RBFOX1: variants seen among roughly 807,000 people sequenced by gnomAD.
The protein encoded by RBFOX1 is RNA binding fox-1 homolog 1, also known as RNA binding protein fox-1 homolog 1.
RBFOX1 carries 8 observed loss-of-function variants against 57.7 expected under a neutral mutation model. The observed-to-expected ratio is 0.14, with a 90% CI of 0.08 to 0.25. The LOEUF (loss-of-function observed/expected upper bound fraction) is 0.25, where lower values mean the gene tolerates loss of function less well. Ranked by LOEUF, RBFOX1 falls within the 10% of genes least tolerant of loss-of-function variation. The pLI, the probability that RBFOX1 is intolerant of heterozygous loss-of-function variation, is 1.00. For synonymous variants in RBFOX1, 326 were observed against 222.4 expected, an observed-to-expected ratio of 1.47 and a Z score of -4.15; for missense variants, 611 against 548.5, an observed-to-expected ratio of 1.11 and a Z score of -1.14.
chr16:6,085,743 C>A (rs1244964038), intron 1 of RBFOX1, among the ~76,000 whole-genome samples: 1 of 152,174 alleles, frequency 6.6e-6, no homozygotes, highest in Non-Finnish European at 1.5e-5. Flanking sequence ...ATTCTACCCT[C>A]CCCAAGAGTT....
intron 1 of RBFOX1, among the ~76,000 whole-genome samples, chr16:6,214,412 A>C (rs2097317788): frequency 7.2e-6 from 1 of 139,542 alleles, no homozygotes; most frequent in Non-Finnish European, 1.5e-5. Flanking sequence ...GAAGAGAGGG[A>C]GTGGGGAGAG....
intron 1 of RBFOX1, among the ~76,000 whole-genome samples, chr16:5,462,461 C>T (rs748954865): frequency 1.7e-4 from 26 of 152,172 alleles, no homozygotes; most frequent in Non-Finnish European, 3.2e-4. Flanking sequence ...AGCCACCGCG[C>T]CCGGCCGAAA....
chr16:6,048,145 A>C (rs1166433767), intron 1 of RBFOX1, among the ~76,000 whole-genome samples: 1 of 152,196 alleles, frequency 6.6e-6, no homozygotes, highest in Non-Finnish European at 1.5e-5. Flanking sequence ...TTTAATCTAT[A>C]TAACAGCTCC....
At chr16:7,358,524 A>G (rs750172069) in intron 4 of RBFOX1, among the ~76,000 whole-genome samples, 20 of 151,994 alleles carry the variant, frequency 1.3e-4, no homozygotes, top group South Asian at 2.1e-4. Flanking sequence ...GGGTTCAAGC[A>G]ATTCTCTTGC....
chr16:7,478,756 G>T (rs1029490098), intron 4 of RBFOX1, among the ~76,000 whole-genome samples: 2 of 152,064 alleles, frequency 1.3e-5, no homozygotes, highest in Non-Finnish European at 2.9e-5. Context: ...AACTGACTCC[G>T]CTTATTGCTG....
At chr16:6,656,921 T>TCCTCTCCTCCCCTCTCCTCTCCTCC (rs2098659388) in intron 3 of RBFOX1, among the ~76,000 whole-genome samples, 1 of 131,816 alleles carries the variant, frequency 7.6e-6, no homozygotes, top group Admixed American at 7.8e-5. Context: ...TCCTCCCCTC[T>TCCTCTCCTCCCCTCTCCTCTCCTCC]CCTCTCCTCC....
chr16:7,433,046 A>C (rs1444937569), intron 4 of RBFOX1, among the ~76,000 whole-genome samples: 4 of 152,218 alleles, frequency 2.6e-5, no homozygotes, highest in African/African-American at 9.6e-5. Context: ...AAATTCCCGC[A>C]TAATCTTGTT....
intron 2 of RBFOX1, among the ~76,000 whole-genome samples, chr16:5,593,018 A>T (rs1360501617): frequency 1.3e-5 from 2 of 152,228 alleles, no homozygotes; most frequent in Non-Finnish European, 2.9e-5. Flanking sequence ...ACAGTGTGAG[A>T]TAGGAAGTCA....
chr16:6,402,219 C>A (rs1036519362), intron 2 of RBFOX1, among the ~76,000 whole-genome samples: 10 of 152,094 alleles, frequency 6.6e-5, no homozygotes, highest in Non-Finnish European at 1.3e-4. Flanking sequence ...CTAAACTAGG[C>A]ATATAGGAAT....
At chr16:5,742,485 C>T (rs960801776) in intron 3 of RBFOX1, among the ~76,000 whole-genome samples, 1 of 152,168 alleles carries the variant, frequency 6.6e-6, no homozygotes, top group Admixed American at 6.5e-5. Flanking sequence ...CTGAAGGAGG[C>T]TTCTACACTG....
At chr16:7,418,859 T>A (rs2098511137) in intron 4 of RBFOX1, among the ~76,000 whole-genome samples, 1 of 147,672 alleles carries the variant, frequency 6.8e-6, no homozygotes, top group Non-Finnish European at 1.5e-5. Context: ...CATTGACTCT[T>A]CCAGAGCCAC....
At chr16:6,974,119 A>G (rs1272663268) in intron 3 of RBFOX1, among the ~76,000 whole-genome samples, 2 of 152,022 alleles carry the variant, frequency 1.3e-5, no homozygotes, top group African/African-American at 4.8e-5. Flanking sequence ...ATTCCTTTTT[A>G]TGGCTGCATA....
At position 5,244,047 on chromosome 16, in the gene RBFOX1, C is replaced by G. The variant is rs560770333; in HGVS notation, c.219+3942C>G. ...GAGTAGCTGGGATTACAGGTCCCCA[C>G]CACCACAGCCGGCTAATTTTTGTAT... On this transcript the variant is annotated intron_variant, in intron 1 of 2. Coordinates refer to the RBFOX1 transcript ENST00000585867. Among the ~76,000 whole-genome samples the G allele has an allele frequency of 3.3e-5, 5 of 152,202 alleles. No homozygotes were observed. In the East Asian group the frequency reaches 9.7e-4, roughly 30 times the overall value.
Position 5,569,450 on chromosome 16 carries a change from TTTTTTTTTTTTTTTTTTC to T in RBFOX1, c.259-29449_259-29432del, listed in dbSNP as rs1272948355. Among the ~76,000 whole-genome samples, 366 of 109,288 alleles carry T rather than the reference TTTTTTTTTTTTTTTTTTC, an allele frequency of 3.3e-3. 1 individual carries two copies. Among genetic ancestry groups the T allele is most frequent in the Non-Finnish European group, 4.9e-3 (284 of 57,746 alleles). 71.7% of individuals were successfully genotyped at this position (109,288 alleles called of 152,430 possible). A position where few individuals can be genotyped will look rare whatever the true frequency, so the allele number is the denominator to read the frequency against. On this transcript the variant is annotated intron_variant, in intron 2 of 2. Coordinates refer to the RBFOX1 transcript ENST00000585867. ...GATAAGAAGTAACCTTTTTTTTTTT[TTTTTTTTTTTTTTTTTTC>T]TTCTTCTTTTTGGAGTACTCTCTAT...
At chr16:7,555,030 T>G (rs896906842) in intron 5 of RBFOX1, among the ~76,000 whole-genome samples, 14 of 152,160 alleles carry the variant, frequency 9.2e-5, no homozygotes, top group Admixed American at 4.6e-4. Flanking sequence ...CTGGTAATTG[T>G]TTTTGGTCAT....
chr16:6,083,559 C>G (rs755380648), intron 1 of RBFOX1, among the ~76,000 whole-genome samples: 4 of 152,180 alleles, frequency 2.6e-5, no homozygotes, highest in Non-Finnish European at 5.9e-5. Flanking sequence ...TCACTGCAGC[C>G]TCAACCTCTT....
At chr16:6,400,679 T>A (rs532486641) in intron 2 of RBFOX1, among the ~76,000 whole-genome samples, 8 of 152,184 alleles carry the variant, frequency 5.3e-5, no homozygotes, top group African/African-American at 1.7e-4. Context: ...AAATCAAGAG[T>A]GATTTCAAGT....
chr16:6,529,966 A>G (rs966161646), intron 2 of RBFOX1, among the ~76,000 whole-genome samples: 1 of 152,158 alleles, frequency 6.6e-6, no homozygotes, highest in Admixed American at 6.5e-5. Flanking sequence ...AGATTTTTCA[A>G]CTTTCTGGTC....
chr16:7,302,268 A>G (rs1439101648), intron 4 of RBFOX1, among the ~76,000 whole-genome samples: 1 of 152,220 alleles, frequency 6.6e-6, no homozygotes, highest in Non-Finnish European at 1.5e-5. Context: ...TGAAGACTTC[A>G]TAGTTATTTC....
Sources: gnomAD v4.1 joint callset for allele counts (sites outside exome capture counted in the v4.1 genomes callset) on GRCh38, gnomAD v4.1.1 for gene constraint, MANE v1.5 for transcripts, NCBI Gene and HGNC (gene_info 2026-07-23, HGNC 2026-07-21) for gene names.